Variants in NEFH observed in about 807,000 individuals in gnomAD.
The protein encoded by NEFH is neurofilament heavy polypeptide.
A neutral mutation model predicts 56.6 loss-of-function variants in NEFH; 58 were observed. The ratio of observed to expected loss-of-function variants is 1.03; its 90% confidence interval spans 0.83 to 1.28. NEFH has a LOEUF of 1.28. Among genes scored for constraint, NEFH ranks in the 50% most tolerant of loss-of-function variants. NEFH has a pLI of 0.00. For missense variants in NEFH, 1,221 were observed against 1,307.6 expected (o/e 0.93, Z 1.02); for synonymous variants, 542 against 545.8 (o/e 0.99, Z 0.10).
At position 29,481,081 on chromosome 22, in the gene NEFH, G is replaced by C. The variant is rs917756240; in HGVS notation, c.819G>C (p.Glu273Asp). The change falls in exon 1 of 4, where the codon GAG becomes GAC. Residue 273 changes from glutamate to aspartate, a missense_variant. By Grantham distance (45) the Glu-to-Asp change is conservative. Transcript: ENST00000310624. Reference protein sequence around the residue: ...LKCDVTSALREIRAQLEGHAV... With the variant: ...LKCDVTSALRDIRAQLEGHAV... ...GCGACGTGACGTCGGCGCTGCGCGA[G>C]ATTCGCGCGCAGCTTGAAGGCCACG... The C allele has an allele frequency of 3.3e-6, 5 of 1,532,032 alleles. No homozygotes were observed. The highest frequency in any genetic ancestry group is 2.7e-5 in the African/African-American group (2 of 72,758). 94.9% of individuals were successfully genotyped at this position (1,532,032 alleles called of 1,614,324 possible).
Position 29,490,262 on chromosome 22 carries a change from G to A in NEFH, c.2622G>A (p.Val874=). The A allele has an allele frequency of 6.2e-7, 1 of 1,611,414 alleles. No homozygotes were observed. Among genetic ancestry groups the A allele is most frequent in the East Asian group, 2.2e-5 (1 of 44,842 alleles). The part of the protein sequence containing the change: ...APKKEAPKPK[V]EEKKEPAVEK... The stretch of plus-strand genomic sequence containing the variant: ...AGAAGGAGGCTCCAAAGCCCAAGGT[G>A]GAGGAGAAGAAGGAACCTGCTGTCG... The change falls in exon 4 of 4, where the codon GTG becomes GTA. Residue 874 remains valine (V), a synonymous_variant. Transcript: ENST00000310624.
At chr22:29,484,140 G>A (rs868328509) in intron 2 of NEFH, among the ~76,000 whole-genome samples, 13 of 152,040 alleles carry the variant, frequency 8.6e-5, no homozygotes, top group Non-Finnish European at 1.9e-4. Flanking sequence ...GTGAGGCACC[G>A]TGCCTGGCCT....
intron 3 of NEFH, 73 bp from the exon 4 acceptor site, chr22:29,488,776 A>G: frequency 5.0e-6 from 7 of 1,389,778 alleles, no homozygotes; most frequent in Non-Finnish European, 7.2e-6. Context: ...GACCTTCAGG[A>G]TAGTCTAGGA....
Position 29,489,073 on chromosome 22 carries a change from C to T in NEFH, c.1433C>T (p.Ala478Val). ...GTGACTGAAGAAGAGGAGAAAGAGG[C>T]CAAAGAGGAGGAGGGCAAGGAGGAA... ...EEVTEEEEKE[A>V]KEEEGKEEEG... Residue 478 changes from alanine (A) to valine (V), a missense_variant, in exon 4 of 4, where the codon GCC (alanine) becomes GTC (valine). By Grantham distance (64) the Ala-to-Val change is moderately conservative. This residue lies in a region of NEFH where 243 missense variants were observed against 299.1 expected (regional missense o/e 0.81). Coordinates refer to ENST00000310624, the MANE Select transcript of NEFH (RefSeq NM_021076.4). The T allele has an allele frequency of 1.2e-6, 2 of 1,613,060 alleles. No homozygotes were observed. Among genetic ancestry groups the T allele is most frequent in the Non-Finnish European group, 1.7e-6 (2 of 1,179,590 alleles).
chr22:29,490,391 G>A lies in NEFH; in HGVS notation c.2751G>A (p.Lys917=). The A allele has an allele frequency of 6.2e-7, 1 of 1,613,194 alleles. No individual in the cohort carries two copies. Among genetic ancestry groups the A allele is most frequent in the South Asian group, 1.1e-5 (1 of 90,996 alleles). Residue 917 remains lysine, a synonymous_variant, in exon 4 of 4, where the codon AAG becomes AAA. Transcript: ENST00000310624. The stretch of plus-strand genomic sequence containing the variant: ...AGGCTCCTGCCAAGGTGGAGGTGAA[G>A]GAAGACGCTAAACCCAAAGAAAAGA... ...EKEAPAKVEV[K]EDAKPKEKTE...
intron 1 of NEFH, among the ~76,000 whole-genome samples, chr22:29,482,479 A>G (rs193048208): frequency 6.2e-4 from 95 of 152,298 alleles, no homozygotes; most frequent in Non-Finnish European, 9.7e-4. Flanking sequence ...GTGGCTACCA[A>G]TGCTCAGGGG....
intron 3 of NEFH, 34 bp from the exon 4 acceptor site, chr22:29,488,814 GT>G (rs1427581204): frequency 3.1e-6 from 5 of 1,610,096 alleles, no homozygotes; most frequent in Admixed American, 1.7e-5. Flanking sequence ...TTTGCCCTGA[GT>G]TTATACTAAT....
chr22:29,484,272 G>A (rs57986874), intron 2 of NEFH, among the ~76,000 whole-genome samples: 7,210 of 152,256 alleles, frequency 0.047, 288 homozygotes, highest in African/African-American at 0.1. Context: ...GGTCTTGGTC[G>A]CAGTGGACAT....
chr22:29,490,974 G>A lies in NEFH; in HGVS notation c.*271G>A, dbSNP rs952914440. The A allele has an allele frequency of 1.6e-4, 87 of 559,084 alleles. No individual in the cohort carries two copies. Among genetic ancestry groups the A allele is most frequent in the African/African-American group, 1.4e-3 (76 of 53,016 alleles). 34.6% of individuals were successfully genotyped at this position (559,084 alleles called of 1,614,324 possible). A position where few individuals can be genotyped will look rare whatever the true frequency, so the allele number is the denominator to read the frequency against. Reference sequence around the variant, plus strand: ...ATGTGATACATGCCGAATGCCACACGTAAACACTTGACTATAAAAACTGCC... The same window carrying A: ...ATGTGATACATGCCGAATGCCACACATAAACACTTGACTATAAAAACTGCC... On this transcript the variant is annotated 3_prime_UTR_variant, in exon 4 of 4. Coordinates refer to ENST00000310624, the MANE Select transcript of NEFH (RefSeq NM_021076.4).
chr22:29,485,904 T>G (rs2063041891), intron 3 of NEFH, 57 bp downstream of exon 3: 1 of 1,606,402 alleles, frequency 6.2e-7, no homozygotes, highest in African/African-American at 1.3e-5. Context: ...TGCGAGACGC[T>G]AAGCCTTGGG....
Position 29,480,510 on chromosome 22 carries a change from G to C in NEFH, c.248G>C (p.Gly83Ala), listed in dbSNP as rs2146390801. The C allele has an allele frequency of 1.3e-6, 2 of 1,534,930 alleles. No individual in the cohort carries two copies. The change falls in exon 1 of 4, where the codon GGG (glycine) becomes GCG (alanine). Residue 83 changes from glycine to alanine, a missense_variant. By Grantham distance (60) the Gly-to-Ala change is moderately conservative. Coordinates refer to ENST00000310624, the MANE Select transcript of NEFH (RefSeq NM_021076.4). ...GACTCGCTGGACACGCTGAGCAACG[G>C]GCCGGAGGGCTGCATGGTGGCGGTG... ...STDSLDTLSN[G>A]PEGCMVAVAT...
At position 29,489,925 on chromosome 22, in the gene NEFH, A is replaced by G. The variant is rs1343195381; in HGVS notation, c.2285A>G (p.Lys762Arg). 1.9e-6 allele frequency: 3 copies of G among 1,614,034 alleles called. No homozygotes were observed. The highest frequency in any genetic ancestry group is 2.5e-6 in the Non-Finnish European group (3 of 1,180,014). The change falls in exon 4 of 4, where the codon AAG (lysine) becomes AGG (arginine). Residue 762 changes from lysine to arginine, a missense_variant. By Grantham distance (26) the Lys-to-Arg change is conservative. Transcript: ENST00000310624. ...GAGAAGGCCAAGACTCTTGATGTGA[A>G]GTCTCCAGAAGCCAAGACTCCAGCG... Reference protein sequence around the residue: ...SPEKAKTLDVKSPEAKTPAKE... With the variant: ...SPEKAKTLDVRSPEAKTPAKE...
At position 29,480,275 on chromosome 22, in the gene NEFH, G is replaced by C; in HGVS notation, c.13G>C (p.Gly5Arg). ...ACCTGCTCAGGCCATGATGAGCTTCGGCGGCGCGGACGCGCTGCTGGGCGC... is the reference window on the plus strand; with the variant it reads ...ACCTGCTCAGGCCATGATGAGCTTCCGCGGCGCGGACGCGCTGCTGGGCGC... Reference protein sequence around the residue: MMSFGGADALLGAPF... With the variant: MMSFRGADALLGAPF... The change falls in exon 1 of 4, where the codon GGC (glycine) becomes CGC (arginine). Residue 5 changes from glycine to arginine, a missense_variant. Around this residue, in one of 4 missense-constraint regions of NEFH, gnomAD observed 640 missense variants for 555.5 expected, o/e 1.15. Transcript: ENST00000310624. 2.0e-6 allele frequency: 3 copies of C among 1,510,236 alleles called. No homozygotes were observed. The highest frequency in any genetic ancestry group is 2.6e-6 in the Non-Finnish European group (3 of 1,138,242). 93.6% of individuals were successfully genotyped at this position (1,510,236 alleles called of 1,614,324 possible).
intron 3 of NEFH, among the ~76,000 whole-genome samples, chr22:29,488,256 C>T (rs1209872591): frequency 6.6e-6 from 1 of 152,050 alleles, no homozygotes; most frequent in Non-Finnish European, 1.5e-5. Context: ...CCCAGCTACT[C>T]AGTAGGCTGA....
rs1307966625 is a variant in NEFH at position 29,480,607 on chromosome 22, G to A, written c.345G>A (p.Val115=). 9 of 1,563,802 alleles carry A rather than the reference G, an allele frequency of 5.8e-6. No homozygotes were observed. In the East Asian group the frequency reaches 2.1e-4, roughly 36 times the overall value. Residue 115 remains valine, a synonymous_variant, in exon 1 of 4, where the codon GTG becomes GTA. Coordinates refer to ENST00000310624, the MANE Select transcript of NEFH (RefSeq NM_021076.4). ...NDRFAGYIDK[V]RQLEAHNRSL... ...GCTTCGCCGGGTACATCGACAAGGT[G>A]CGGCAGCTGGAGGCGCACAACCGCA...
Position 29,485,707 on chromosome 22 carries a change from C to T in NEFH, c.1084-16C>T, listed in dbSNP as rs748104186. On this transcript the variant is annotated splice_polypyrimidine_tract_variant and intron_variant, in intron 2 of 3. Transcript: ENST00000310624. ...ACACTGGCTGGCATGTGATGTGTGTCACCTCTCCTTCCCAGGAAGCCATTC... is the reference window on the plus strand; with the variant it reads ...ACACTGGCTGGCATGTGATGTGTGTTACCTCTCCTTCCCAGGAAGCCATTC... 1 of 1,612,460 alleles carries T rather than the reference C, an allele frequency of 6.2e-7. No individual in the cohort carries two copies. The highest frequency in any genetic ancestry group is 2.2e-5 in the East Asian group (1 of 44,830).
intron 3 of NEFH, among the ~76,000 whole-genome samples, chr22:29,488,576 A>G (rs1413160182): frequency 6.6e-6 from 1 of 152,140 alleles, no homozygotes; most frequent in Non-Finnish European, 1.5e-5. Flanking sequence ...GAAGAAGACC[A>G]GCTGTTCCAG....
intron 3 of NEFH, among the ~76,000 whole-genome samples, chr22:29,486,892 C>T (rs1243416756): frequency 1.3e-5 from 2 of 152,198 alleles, no homozygotes; most frequent in African/African-American, 4.8e-5. Context: ...TATCCCCTCC[C>T]CAGATCCAGC....
chr22:29,486,620 T>G (rs2063046333), intron 3 of NEFH, among the ~76,000 whole-genome samples: 1 of 150,982 alleles, frequency 6.6e-6, no homozygotes, highest in African/African-American at 2.4e-5. Flanking sequence ...TGTCCTGAGT[T>G]CAAGTGATTC....
Sources: allele counts gnomAD v4.1 joint callset (sites outside exome capture counted in the v4.1 genomes callset), GRCh38; gene constraint gnomAD v4.1.1; regional missense constraint gnomAD v4.1.1; transcripts MANE v1.5; gene names NCBI Gene and HGNC (gene_info 2026-07-23, HGNC 2026-07-21).